VCPKMT: variants seen among roughly 807,000 people sequenced by gnomAD.
The protein encoded by VCPKMT is protein N-lysine methyltransferase METTL21D.
Under a neutral mutation model 28.6 loss-of-function variants are expected in VCPKMT, and 32 were observed. That is an observed-to-expected ratio of 1.12 (90% CI 0.84 to 1.50). VCPKMT has a LOEUF of 1.50. Ranked by LOEUF, VCPKMT falls within the 40% of genes most tolerant of loss-of-function variation. The pLI, the probability that VCPKMT is intolerant of heterozygous loss-of-function variation, is 0.00. For missense variants in VCPKMT, 366 were observed against 285.0 expected, an observed-to-expected ratio of 1.28 and a Z score of -2.05; for synonymous variants, 138 against 111.4, an observed-to-expected ratio of 1.24 and a Z score of -1.50.
At chr14:50,111,855 C>T in intron 5 of VCPKMT, 1 of 946,478 alleles carries the variant, frequency 1.1e-6, no homozygotes, top group Non-Finnish European at 1.3e-6. Flanking sequence ...CACCACTGTA[C>T]TCCAGCCTGG....
At chr14:50,116,046 A>C (rs768843355) in intron 2 of VCPKMT, 23 bp downstream of exon 2, 1 of 1,598,002 alleles carries the variant, frequency 6.3e-7, no homozygotes, top group East Asian at 2.2e-5. Context: ...ATATCTTAAA[A>C]CAAGCTGAAA....
At chr14:50,110,912 C>A (rs1882606159) in intron 5 of VCPKMT, among the ~76,000 whole-genome samples, 1 of 152,144 alleles carries the variant, frequency 6.6e-6, no homozygotes, top group Non-Finnish European at 1.5e-5. Flanking sequence ...CAAGAGGCCA[C>A]ACAGTATGTG....
In VCPKMT at chr14:50,109,119, G is replaced by A. The variant is rs765532076; in HGVS notation, c.*580C>T. 1.1e-6 allele frequency: 1 copy of A among 947,014 alleles called. No individual in the cohort carries two copies. The highest frequency in any genetic ancestry group is 1.3e-6 in the Non-Finnish European group (1 of 794,656). The allele number at this position is 947,014 out of a possible 1,614,324, so 58.7% of individuals were successfully genotyped here. ...TATGGTGGAGGAAAAGAAAACTTTG[G>A]CTAATATAAGTATACAAGACAATAT... On this transcript the variant is annotated 3_prime_UTR_variant, in exon 6 of 6. Transcript: ENST00000395860.
chr14:50,104,243 C>T (rs1188908610), downstream of VCPKMT, among the ~76,000 whole-genome samples: 1 of 152,158 alleles, frequency 6.6e-6, no homozygotes, highest in African/African-American at 2.4e-5. Flanking sequence ...CATTAATAAT[C>T]AATGACTTAG....
chr14:50,105,291 G>A (rs1594929476), downstream of VCPKMT, among the ~76,000 whole-genome samples: 2 of 152,148 alleles, frequency 1.3e-5, no homozygotes, highest in Non-Finnish European at 2.9e-5. Flanking sequence ...GATATGCTGT[G>A]TATAAAAAAA....
intron 4 of VCPKMT, 44 bp downstream of exon 4, chr14:50,114,241 T>C (rs370416525): frequency 2.1e-6 from 3 of 1,450,388 alleles, no homozygotes; most frequent in East Asian, 2.6e-5. Context: ...ACAGCCCCCC[T>C]GAAGGGAAAT....
In VCPKMT at chr14:50,111,681, C is replaced by T. The variant is rs1882672957; in HGVS notation, c.675+934G>A. The T allele has an allele frequency of 3.4e-6, 3 of 891,396 alleles. No homozygotes were observed. In the South Asian group the frequency reaches 1.5e-4, roughly 46 times the overall value. 55.2% of individuals were successfully genotyped at this position (891,396 alleles called of 1,614,324 possible). A position where few individuals can be genotyped will look rare whatever the true frequency, so the allele number is the denominator to read the frequency against. On this transcript the variant is annotated intron_variant, in intron 5 of 5. Transcript: ENST00000395860. ...TCACTGGAGTCCAGGAGTGCAAAAT[C>T]AGCCTGGACAACATGGCAAAACCCT...
chr14:50,112,637 A>G lies in VCPKMT; in HGVS notation c.653T>C (p.Ile218Thr). 1 of 1,558,772 alleles carries G rather than the reference A, an allele frequency of 6.4e-7. No individual in the cohort carries two copies. The change falls in exon 5 of 6, where the codon ATA (isoleucine) becomes ACA (threonine). Residue 218 changes from isoleucine to threonine, a missense_variant. Physicochemically the swap from Ile to Thr is moderately conservative, Grantham distance 89 (BLOSUM62 -1). Transcript: ENST00000395860. ...TACCGATTTTTTCTTTCTGATGTAT[A>G]TAATATGAATATCTTCACTTCGATA... ...EEYRSEDIHI[I>T]YIRKKKSKFP...
chr14:50,106,363 C>T (rs1882318604), downstream of VCPKMT, among the ~76,000 whole-genome samples: 1 of 152,206 alleles, frequency 6.6e-6, no homozygotes, highest in African/African-American at 2.4e-5. Flanking sequence ...CACACTTGCC[C>T]ACAGGCCAAG....
chr14:50,106,375 C>T (rs1408944106), downstream of VCPKMT, among the ~76,000 whole-genome samples: 1 of 152,230 alleles, frequency 6.6e-6, no homozygotes, highest in African/African-American at 2.4e-5. Context: ...CAGGCCAAGG[C>T]ATTGGCAGTC....
At chr14:50,103,404 A>G in the VCPKMT span, among the ~76,000 whole-genome samples, 1 of 152,256 alleles carries the variant, frequency 6.6e-6, no homozygotes, top group Non-Finnish European at 1.5e-5. Context: ...AAATATTGTT[A>G]TGCAGATAGA....
chr14:50,106,233 T>C (rs2139423855), downstream of VCPKMT, among the ~76,000 whole-genome samples: 1 of 152,162 alleles, frequency 6.6e-6, no homozygotes, highest in East Asian at 1.9e-4. Flanking sequence ...TGCTTTTAAT[T>C]TTCCACGTGC....
chr14:50,107,338 G>A (rs151054847), downstream of VCPKMT, among the ~76,000 whole-genome samples: 1,261 of 148,956 alleles, frequency 8.5e-3, 50 homozygotes, highest in Admixed American at 0.074. Flanking sequence ...TTTTTGAGAC[G>A]GAGTCTTGCT....
intron 5 of VCPKMT, chr14:50,111,681 C>G (rs1882672957): frequency 1.1e-6 from 1 of 891,396 alleles, no homozygotes; most frequent in Non-Finnish European, 1.3e-6. Flanking sequence ...AGTGCAAAAT[C>G]AGCCTGGACA....
At position 50,116,490 on chromosome 14, in the gene VCPKMT, C is replaced by G. The variant is rs761451960; in HGVS notation, c.63G>C (p.Glu21Asp). The G allele has an allele frequency of 6.2e-7, 1 of 1,613,944 alleles. No homozygotes were observed. The highest frequency in any genetic ancestry group is 1.1e-5 in the South Asian group (1 of 91,078). The change falls in exon 1 of 6, where the codon GAG becomes GAC. Residue 21 changes from glutamate (E) to aspartate (D), a missense_variant. Coordinates refer to ENST00000395860, the MANE Select transcript of VCPKMT (RefSeq NM_024558.3). ...DPLRSFVRVL[E>D]KRDGTVLRLQ... ...GTCGTAGCACTGTACCATCCCGCTT[C>G]TCCAAAACTCGCACAAAGCTCCGCA...
At chr14:50,110,749 T>C (rs1203047889) in intron 5 of VCPKMT, among the ~76,000 whole-genome samples, 2 of 152,228 alleles carry the variant, frequency 1.3e-5, no homozygotes, top group Non-Finnish European at 2.9e-5. Context: ...TGAACGTCCA[T>C]AGCAGCATTA....
At position 50,116,572 on chromosome 14, in the gene VCPKMT, C is replaced by G. The variant is rs907070106; in HGVS notation, c.-20G>C. ...CGCCATTGCGCCCGGCAACAGAAAG[C>G]GGCGCGCGCAGGGACGTCACATCAA... On this transcript the variant is annotated 5_prime_UTR_variant, in exon 1 of 6. Coordinates refer to ENST00000395860, the MANE Select transcript of VCPKMT (RefSeq NM_024558.3). 5.0e-6 allele frequency: 8 copies of G among 1,589,794 alleles called. No homozygotes were observed. In the African/African-American group the frequency reaches 8.1e-5, roughly 16 times the overall value.
In VCPKMT at chr14:50,108,800, GAC is replaced by G. The variant is rs1295879433; in HGVS notation, c.*897_*898del. 4.1e-5 allele frequency: 40 copies of G among 985,430 alleles called. No individual in the cohort carries two copies. Among genetic ancestry groups the G allele is most frequent in the Non-Finnish European group, 4.7e-5 (39 of 829,924 alleles). The allele number at this position is 985,430 out of a possible 1,614,324, so 61.0% of individuals were successfully genotyped here. On this transcript the variant is annotated 3_prime_UTR_variant, in exon 6 of 6. Transcript: ENST00000395860. ...ATGGCTTCATAACATAAAACAGAGA[GAC>G]ACAGAACAGAAATTCATTTGGTATA...
chr14:50,112,622 T>G lies in VCPKMT; in HGVS notation c.668A>C (p.Lys223Thr). Residue 223 changes from lysine (K) to threonine (T), a missense_variant, in exon 5 of 6, where the codon AAA becomes ACA. By Grantham distance (78) the Lys-to-Thr change is moderately conservative. Transcript: ENST00000395860. ...EDIHIIYIRK[K>T]KSKFPS ...ACTGAGAATGTTATTTACCGATTTT[T>G]TCTTTCTGATGTATATAATATGAAT... The G allele has an allele frequency of 6.5e-7, 1 of 1,535,566 alleles. No individual in the cohort carries two copies. The highest frequency in any genetic ancestry group is 8.9e-7 in the Non-Finnish European group (1 of 1,129,258).
Sources: allele counts gnomAD v4.1 joint callset (sites outside exome capture counted in the v4.1 genomes callset), GRCh38; gene constraint gnomAD v4.1.1; transcripts MANE v1.5; gene names NCBI Gene and HGNC (gene_info 2026-07-23, HGNC 2026-07-21).